Variants in TSPAN9 observed in about 807,000 individuals in gnomAD.
The protein encoded by TSPAN9 is tetraspanin 9, also known as tetraspanin-9.
Under a neutral mutation model 31.0 loss-of-function variants are expected in TSPAN9, and 16 were observed. The observed-to-expected ratio is 0.52, with a 90% CI of 0.35 to 0.78. The LOEUF (loss-of-function observed/expected upper bound fraction) is 0.78. Ranked by LOEUF, TSPAN9 falls within the 30% of genes least tolerant of loss-of-function variation. The probability of loss-of-function intolerance (pLI) is 0.01; values close to 1 mark genes in which losing one functional copy is unlikely to be tolerated. For synonymous variants in TSPAN9, 145 were observed against 121.6 expected, an observed-to-expected ratio of 1.19 and a Z score of -1.27; for missense variants, 272 against 312.5, an observed-to-expected ratio of 0.87 and a Z score of 0.98.
chr12:3,205,728 C>T (rs928759637), intron 3 of TSPAN9, among the ~76,000 whole-genome samples: 2 of 151,414 alleles, frequency 1.3e-5, no homozygotes, highest in African/African-American at 4.9e-5. Context: ...GCCCCCCCCC[C>T]CCAGAGTGCT....
intron 2 of TSPAN9, among the ~76,000 whole-genome samples, chr12:3,174,681 C>T (rs1361735183): frequency 2.0e-5 from 3 of 152,040 alleles, no homozygotes; most frequent in Admixed American, 6.6e-5. Context: ...CTCCCGGGTT[C>T]GCGCCATTCT....
chr12:3,157,768 C>T (rs953915697), intron 2 of TSPAN9, among the ~76,000 whole-genome samples: 6 of 152,134 alleles, frequency 3.9e-5, no homozygotes, highest in Non-Finnish European at 7.3e-5. Flanking sequence ...TTTCCCCTTC[C>T]CTGATCAGGT....
At chr12:3,129,341 T>C (rs146532726) in intron 2 of TSPAN9, among the ~76,000 whole-genome samples, 2 of 152,284 alleles carry the variant, frequency 1.3e-5, no homozygotes, top group African/African-American at 4.8e-5. Flanking sequence ...GTGACATGTG[T>C]TTTCCGAGGT....
chr12:3,085,465 T>C (rs6489434), intron 2 of TSPAN9, among the ~76,000 whole-genome samples: 112,832 of 151,404 alleles, frequency 0.75, 42,581 homozygotes, highest in African/African-American at 0.85. Flanking sequence ...GAGATGTGAG[T>C]GGAGGCCTCA....
intron 3 of TSPAN9, among the ~76,000 whole-genome samples, chr12:3,256,176 G>A (rs1202483600): frequency 6.6e-6 from 1 of 152,224 alleles, no homozygotes; most frequent in Admixed American, 6.5e-5. Context: ...AAAGAGGGAG[G>A]AGAGCTGTGG....
chr12:3,219,328 A>G (rs1027493132), intron 3 of TSPAN9, among the ~76,000 whole-genome samples: 1 of 152,098 alleles, frequency 6.6e-6, no homozygotes, highest in Non-Finnish European at 1.5e-5. Context: ...CTAGCACAAC[A>G]CTCAAGGAAG....
intron 2 of TSPAN9, among the ~76,000 whole-genome samples, chr12:3,123,506 C>T (rs1238517934): frequency 6.6e-6 from 1 of 152,124 alleles, no homozygotes. Flanking sequence ...GGTTCTGAGT[C>T]TCTCTCCAGG....
At chr12:3,217,815 G>A (rs2098382137) in intron 3 of TSPAN9, among the ~76,000 whole-genome samples, 3 of 151,762 alleles carry the variant, frequency 2.0e-5, no homozygotes, top group Non-Finnish European at 2.9e-5. Context: ...AAGACAGCAC[G>A]TGCTCTAGGG....
intron 2 of TSPAN9, among the ~76,000 whole-genome samples, chr12:3,127,148 C>T (rs1009154652): frequency 1.3e-5 from 2 of 151,568 alleles, no homozygotes; most frequent in Admixed American, 6.6e-5. Context: ...CGACTATAAT[C>T]CCAGCACTTT....
rs140952729 is a variant in TSPAN9 at position 3,246,621 on chromosome 12, G to A, written c.64-31800G>A. 3.3e-4 allele frequency among the ~76,000 whole-genome samples: 50 copies of A among 152,322 alleles called. No homozygotes were observed. The East Asian group carries it at 6.4e-3, about 19-fold the overall frequency. ...ACAGTAGCCCAATTGTTCCAAACCCGTGTTCTCTGGGTCAGTGTGCCTACA... is the reference window on the plus strand; with the variant it reads ...ACAGTAGCCCAATTGTTCCAAACCCATGTTCTCTGGGTCAGTGTGCCTACA... On this transcript the variant is annotated intron_variant, in intron 3 of 8. Transcript: ENST00000011898.
Position 3,081,314 on chromosome 12 carries a change from C to A in TSPAN9, c.-84-2339C>A, listed in dbSNP as rs140719983. 7.4e-3 allele frequency among the ~76,000 whole-genome samples: 1,124 copies of A among 152,252 alleles called. 17 individuals are homozygous for A. The highest frequency in any genetic ancestry group is 0.026 in the African/African-American group (1,063 of 41,554). ...GACTAAGAGGGAGTGGATCTAATCC[C>A]GGTGCATTCGCCTGGCATTCAGCAT... On this transcript the variant is annotated intron_variant, in intron 1 of 8. Transcript: ENST00000011898.
chr12:3,273,925 G>A (rs533840246), intron 3 of TSPAN9, among the ~76,000 whole-genome samples: 10 of 152,134 alleles, frequency 6.6e-5, no homozygotes, highest in Non-Finnish European at 1.5e-4. Context: ...TGGGCATATC[G>A]CTGTCATTGG....
intron 2 of TSPAN9, among the ~76,000 whole-genome samples, chr12:3,149,403 T>C (rs1484661382): frequency 6.6e-6 from 1 of 152,204 alleles, no homozygotes; most frequent in Non-Finnish European, 1.5e-5. Flanking sequence ...TTCTTCTCTC[T>C]TTTTTACCTG....
intron 3 of TSPAN9, among the ~76,000 whole-genome samples, chr12:3,207,060 G>A (rs2098375644): frequency 6.6e-6 from 1 of 152,178 alleles, no homozygotes; most frequent in Non-Finnish European, 1.5e-5. Context: ...GGTCGTGCCA[G>A]TCTGGTGGCA....
chr12:3,253,939 G>C (rs914995133), intron 3 of TSPAN9, among the ~76,000 whole-genome samples: 4 of 152,230 alleles, frequency 2.6e-5, no homozygotes, highest in African/African-American at 9.6e-5. Flanking sequence ...AGGAGGTCCA[G>C]GGTGGAGCCT....
intron 3 of TSPAN9, among the ~76,000 whole-genome samples, chr12:3,254,568 C>CTGA (rs929826735): frequency 1.3e-5 from 2 of 152,154 alleles, no homozygotes; most frequent in Non-Finnish European, 2.9e-5. Context: ...CTTGTCCGTT[C>CTGA]TGATGATGAT....
intron 2 of TSPAN9, among the ~76,000 whole-genome samples, chr12:3,097,967 G>A (rs1565574621): frequency 1.3e-5 from 2 of 152,228 alleles, no homozygotes; most frequent in Admixed American, 6.5e-5. Flanking sequence ...CAGTGATGCC[G>A]GGGTCTGTCT....
chr12:3,207,665 C>T (rs988004659), intron 3 of TSPAN9, among the ~76,000 whole-genome samples: 4 of 152,142 alleles, frequency 2.6e-5, no homozygotes, highest in East Asian at 3.9e-4. Context: ...TTGAGGCTCC[C>T]GGGAGAACTG....
chr12:3,283,085 T>C lies in TSPAN9; in HGVS notation c.689T>C (p.Ile230Thr). The C allele has an allele frequency of 4.3e-6, 7 of 1,609,680 alleles. No individual in the cohort carries two copies. Among genetic ancestry groups the C allele is most frequent in the Non-Finnish European group, 5.9e-6 (7 of 1,179,988 alleles). ...MAFSMTLFQH[I>T]HRTGKKYDA Reference sequence around the variant, plus strand: ...TTCTCCATGACCCTCTTCCAGCACATCCACCGGACTGGTAAGAAGTACGAC... The same window carrying C: ...TTCTCCATGACCCTCTTCCAGCACACCCACCGGACTGGTAAGAAGTACGAC... The change falls in exon 9 of 9, where the codon ATC becomes ACC. Residue 230 changes from isoleucine (I) to threonine (T), a missense_variant. Transcript: ENST00000011898.
Sources: gnomAD v4.1 joint callset for allele counts (sites outside exome capture counted in the v4.1 genomes callset) on GRCh38, gnomAD v4.1.1 for gene constraint, MANE v1.5 for transcripts, NCBI Gene and HGNC (gene_info 2026-07-23, HGNC 2026-07-21) for gene names.